DRICH1: variants seen among roughly 807,000 people sequenced by gnomAD.
DRICH1 encodes the protein aspartate-rich protein 1.
A neutral mutation model predicts 39.5 loss-of-function variants in DRICH1; 38 were observed. That is an observed-to-expected ratio of 0.96 (90% CI 0.74 to 1.26). The LOEUF (loss-of-function observed/expected upper bound fraction) is 1.26, where lower values mean the gene tolerates loss of function less well. DRICH1 is among the 50% of genes most tolerant of loss of function. The pLI is 0.00. For synonymous variants in DRICH1, 84 were observed against 99.5 expected (o/e 0.84, Z 0.93); for missense variants, 279 against 270.4 (o/e 1.03, Z -0.22).
At chr22:23,595,024 G>A in the DRICH1 span, among the ~76,000 whole-genome samples, 1 of 149,246 alleles carries the variant, frequency 6.7e-6, no homozygotes, top group African/African-American at 2.5e-5. Flanking sequence ...AGCCCACCAT[G>A]GGTGAGAAGA....
At chr22:23,587,380 G>A in the DRICH1 span, among the ~76,000 whole-genome samples, 4 of 152,334 alleles carry the variant, frequency 2.6e-5, no homozygotes, top group South Asian at 6.2e-4. Context: ...ATTTCTGTGG[G>A]TTTCTCCCTG....
rs554799661 is a variant in DRICH1 at position 23,619,979 on chromosome 22, C to A, written c.407-586G>T. On this transcript the variant is annotated intron_variant, in intron 5 of 11. Transcript: ENST00000317749. ...GTAACTGCTTGTGACAGAACTGTGT[C>A]CCACACCAAAGACTCTGAGATTTTG... Among the ~76,000 whole-genome samples, 48 of 152,210 alleles carry A rather than the reference C, an allele frequency of 3.2e-4. 1 individual carries two copies. In the South Asian group the frequency reaches 9.3e-3, roughly 30 times the overall value.
chr22:23,588,123 GT>G, the DRICH1 span, among the ~76,000 whole-genome samples: 2 of 151,996 alleles, frequency 1.3e-5, no homozygotes, highest in East Asian at 3.9e-4. Flanking sequence ...TCCAGTTCTG[GT>G]TTTCTTTTTT....
chr22:23,618,136 CAG>C (rs1927484076), intron 6 of DRICH1, among the ~76,000 whole-genome samples: 1 of 124,498 alleles, frequency 8.0e-6, no homozygotes, highest in East Asian at 2.4e-4. Flanking sequence ...TTTTTTGAGA[CAG>C]AGTCTCACTC....
intron 11 of DRICH1, among the ~76,000 whole-genome samples, chr22:23,609,897 C>CT (rs1377139995): frequency 6.6e-6 from 1 of 152,302 alleles, no homozygotes; most frequent in Admixed American, 6.5e-5. Flanking sequence ...CTTGCTTGGA[C>CT]TGAAACCTAG....
chr22:23,581,278 TCCTCTCCCAGCCCAGCATCCCCGAC>T, the DRICH1 span: 2 of 148,892 alleles, frequency 1.3e-5, no homozygotes, highest in Non-Finnish European at 3.0e-5. Flanking sequence ...AGGCCCCCGG[TCCTCTCCCAGCCCAGCATCCCCGAC>T]CCTCTCCCAA....
chr22:23,603,748 C>A (rs1236099895), downstream of DRICH1, among the ~76,000 whole-genome samples: 4 of 152,124 alleles, frequency 2.6e-5, no homozygotes, highest in South Asian at 2.1e-4. Context: ...CAAAAATGGG[C>A]CATGATCTGT....
At chr22:23,604,291 G>A (rs1215419075), downstream of DRICH1, among the ~76,000 whole-genome samples, 2 of 152,090 alleles carry the variant, frequency 1.3e-5, no homozygotes, top group East Asian at 3.9e-4. Context: ...TGGGCCGCCT[G>A]GAGCTTCTCG....
In DRICH1 at chr22:23,618,177, G is replaced by T. The variant is rs1927487041; in HGVS notation, c.437-520C>A. 2.1e-5 allele frequency among the ~76,000 whole-genome samples: 3 copies of T among 143,522 alleles called. No individual in the cohort carries two copies. The South Asian group carries it at 6.7e-4, about 32-fold the overall frequency. 94.2% of individuals were successfully genotyped at this position (143,522 alleles called of 152,430 possible). ...CCCCCAGGTTGGAGTGCAGTGGTGT[G>T]ATCTCAGCTCACTGCAAGCTCCACC... On this transcript the variant is annotated intron_variant, in intron 6 of 11. Coordinates refer to ENST00000317749, the MANE Select transcript of DRICH1 (RefSeq NM_016449.4).
chr22:23,620,021 A>C (rs1475261573), intron 5 of DRICH1, among the ~76,000 whole-genome samples: 1 of 152,198 alleles, frequency 6.6e-6, no homozygotes, highest in Non-Finnish European at 1.5e-5. Context: ...CAGAGGCAGA[A>C]AAGAGCAGGT....
At chr22:23,623,944 T>A in intron 3 of DRICH1, 1 of 619,068 alleles carries the variant, frequency 1.6e-6, no homozygotes, top group Non-Finnish European at 1.8e-6. Context: ...CTCAACAGAA[T>A]GCTGACAGTG....
chr22:23,598,585 G>A, the DRICH1 span, among the ~76,000 whole-genome samples: 17 of 152,260 alleles, frequency 1.1e-4, no homozygotes, highest in Admixed American at 3.9e-4. Flanking sequence ...GGAAGAACAC[G>A]CTCTGGGCTC....
rs1303214386 is a variant in DRICH1, at chr22:23,608,700, G to A, written c.*64C>T. 1.3e-6 allele frequency: 2 copies of A among 1,519,756 alleles called. No individual in the cohort carries two copies. The highest frequency in any genetic ancestry group is 1.4e-5 in the African/African-American group (1 of 72,386). 94.1% of individuals were successfully genotyped at this position (1,519,756 alleles called of 1,614,324 possible). ...TGAGACCTCCAGGGGCAAAGCTGGG[G>A]ACCCTGCAGCACGCGCTGGCCTGCC... On this transcript the variant is annotated 3_prime_UTR_variant, in exon 12 of 12. Transcript: ENST00000317749.
chr22:23,620,562 T>C, intron 5 of DRICH1, 32 bp downstream of exon 5: 1 of 1,554,058 alleles, frequency 6.4e-7, no homozygotes, highest in Non-Finnish European at 8.9e-7. Flanking sequence ...CAAGTTTGTT[T>C]CTCAGAAAGT....
At chr22:23,629,603 C>CATTTCTTTTTATTT (rs1928271844) in intron 1 of DRICH1, among the ~76,000 whole-genome samples, 1 of 151,944 alleles carries the variant, frequency 6.6e-6, no homozygotes, top group Non-Finnish European at 1.5e-5. Context: ...TGGATTGCAG[C>CATTTCTTTTTATTT]ATTTCTTTTT....
chr22:23,625,980 C>A lies in DRICH1; in HGVS notation c.276+1G>T, dbSNP rs202107018. The A allele has an allele frequency of 6.2e-7, 1 of 1,608,758 alleles. No individual in the cohort carries two copies. The highest frequency in any genetic ancestry group is 2.2e-5 in the East Asian group (1 of 44,466). On this transcript the variant is annotated splice_donor_variant, in intron 2 of 11. Coordinates refer to ENST00000317749, the MANE Select transcript of DRICH1 (RefSeq NM_016449.4). LOFTEE classifies it high-confidence loss of function. ...TAGAAGGCAAAGAAAGGGGGTCTTA[C>A]CTTGGCATCATCATTGTCTTCCTCA...
At chr22:23,624,042 T>A (rs571674679) in intron 3 of DRICH1, 547 of 985,314 alleles carry the variant, frequency 5.6e-4, no homozygotes, top group Admixed American at 3.8e-3. Context: ...CACTGGACCT[T>A]TTGCAGTGAG....
At chr22:23,601,608 G>A in the DRICH1 span, among the ~76,000 whole-genome samples, 2 of 152,142 alleles carry the variant, frequency 1.3e-5, no homozygotes, top group African/African-American at 4.8e-5. Flanking sequence ...CATGAGGGAT[G>A]TTTGGGAGGG....
chr22:23,630,844 C>G (rs1928346411), intron 1 of DRICH1: 1 of 152,160 alleles, frequency 6.6e-6, no homozygotes, highest in Non-Finnish European at 1.5e-5. Flanking sequence ...GCCAGGCAGG[C>G]TCTCCAGACA....
Sources: allele counts gnomAD v4.1 joint callset (sites outside exome capture counted in the v4.1 genomes callset), GRCh38; gene constraint gnomAD v4.1.1; transcripts MANE v1.5; gene names NCBI Gene and HGNC (gene_info 2026-07-23, HGNC 2026-07-21).